The following DYNC1I1 variants were observed in gnomAD, a reference collection of about 807,000 sequenced individuals.
DYNC1I1 encodes the protein dynein cytoplasmic 1 intermediate chain 1.
A neutral mutation model predicts 86.6 loss-of-function variants in DYNC1I1; 43 were observed. The observed-to-expected ratio is 0.50, with a 90% CI of 0.39 to 0.64. The LOEUF (loss-of-function observed/expected upper bound fraction) is 0.64. DYNC1I1 is among the 30% of genes least tolerant of loss of function. The pLI, the probability that DYNC1I1 is intolerant of heterozygous loss-of-function variation, is 0.00. For synonymous variants in DYNC1I1, 262 were observed against 283.7 expected (o/e 0.92, Z 0.77); for missense variants, 604 against 788.8 (o/e 0.77, Z 2.81).
intron 7 of DYNC1I1, among the ~76,000 whole-genome samples, chr7:95,983,432 A>G (rs1034835400): frequency 1.3e-5 from 2 of 152,150 alleles, no homozygotes; most frequent in African/African-American, 4.8e-5. Flanking sequence ...GTGTGAACCA[A>G]CTACATCAGG....
At chr7:96,023,977 G>C (rs972626186) in intron 10 of DYNC1I1, among the ~76,000 whole-genome samples, 2 of 152,132 alleles carry the variant, frequency 1.3e-5, no homozygotes, top group African/African-American at 4.8e-5. Flanking sequence ...TGCCCTCTTA[G>C]AAATTGTGGT....
chr7:95,869,224 A>G (rs748458447), intron 5 of DYNC1I1, among the ~76,000 whole-genome samples: 1 of 152,322 alleles, frequency 6.6e-6, no homozygotes, highest in East Asian at 1.9e-4. Flanking sequence ...GAAGTGCTAC[A>G]TAAATATTCA....
At chr7:95,980,772 CTA>C (rs72162842) in intron 7 of DYNC1I1, among the ~76,000 whole-genome samples, 9,845 of 151,994 alleles carry the variant, frequency 0.065, 1,081 homozygotes, top group African/African-American at 0.22. Flanking sequence ...TAGAAAACTT[CTA>C]TATGTCAGTG....
intron 14 of DYNC1I1, among the ~76,000 whole-genome samples, chr7:96,066,904 A>G (rs921303883): frequency 9.9e-5 from 15 of 152,188 alleles, no homozygotes; most frequent in Admixed American, 9.8e-4. Context: ...TGATTACCCA[A>G]AGAAGAAAGC....
intron 5 of DYNC1I1, among the ~76,000 whole-genome samples, chr7:95,831,290 T>G (rs1788893747): frequency 6.6e-6 from 1 of 152,204 alleles, no homozygotes; most frequent in Non-Finnish European, 1.5e-5. Context: ...ATGTTGATTT[T>G]TAAGCAATTA....
chr7:95,889,731 CTT>C, intron 6 of DYNC1I1, among the ~76,000 whole-genome samples: 1 of 151,840 alleles, frequency 6.6e-6, no homozygotes, highest in East Asian at 1.9e-4. Context: ...TATAAAAAAA[CTT>C]TAACAAATTT....
At chr7:95,841,467 G>A (rs946466467) in intron 5 of DYNC1I1, among the ~76,000 whole-genome samples, 6 of 152,100 alleles carry the variant, frequency 3.9e-5, no homozygotes, top group Non-Finnish European at 8.8e-5. Context: ...GTCATGGGAC[G>A]AGCCTGCAAG....
intron 1 of DYNC1I1, among the ~76,000 whole-genome samples, chr7:95,785,660 G>T (rs558996083): frequency 3.8e-4 from 57 of 150,470 alleles, no homozygotes; most frequent in Non-Finnish European, 6.7e-4. Flanking sequence ...CATATATATT[G>T]TATATAATTA....
chr7:96,081,492 A>G (rs1015624435), intron 16 of DYNC1I1, among the ~76,000 whole-genome samples: 1 of 152,246 alleles, frequency 6.6e-6, no homozygotes, highest in Admixed American at 6.5e-5. Flanking sequence ...TGGTGAGGTA[A>G]GGAACTTTTT....
At chr7:95,825,151 C>T (rs1055514029) in intron 4 of DYNC1I1, among the ~76,000 whole-genome samples, 1 of 152,146 alleles carries the variant, frequency 6.6e-6, no homozygotes, top group Non-Finnish European at 1.5e-5. Context: ...TACATTCCTA[C>T]CTTGGTTTTT....
chr7:95,817,700 G>A (rs1468274751), intron 4 of DYNC1I1, among the ~76,000 whole-genome samples: 3 of 152,080 alleles, frequency 2.0e-5, no homozygotes, highest in African/African-American at 7.2e-5. Flanking sequence ...ACAAGGCAAA[G>A]GACAGATTGT....
chr7:96,101,739 T>TA (rs1171353583), downstream of DYNC1I1, among the ~76,000 whole-genome samples: 1 of 152,160 alleles, frequency 6.6e-6, no homozygotes, highest in Non-Finnish European at 1.5e-5. Flanking sequence ...TTGATATACT[T>TA]ACATCAGGTA....
intron 14 of DYNC1I1, among the ~76,000 whole-genome samples, chr7:96,052,062 T>C (rs1382485768): frequency 1.3e-5 from 2 of 152,160 alleles, no homozygotes; most frequent in Non-Finnish European, 2.9e-5. Flanking sequence ...CCTGTGTTTT[T>C]TGTCTGTATC....
chr7:95,978,328 C>T (rs1312161936), intron 7 of DYNC1I1, among the ~76,000 whole-genome samples: 1 of 152,014 alleles, frequency 6.6e-6, no homozygotes. Flanking sequence ...ACCCTGTTGC[C>T]CTCCTCATAA....
intron 6 of DYNC1I1, among the ~76,000 whole-genome samples, chr7:95,937,381 G>A (rs926236724): frequency 4.6e-5 from 7 of 151,950 alleles, no homozygotes; most frequent in Non-Finnish European, 5.9e-5. Context: ...TAGCTTGACT[G>A]TAGTAATCAT....
intron 14 of DYNC1I1, among the ~76,000 whole-genome samples, chr7:96,064,789 A>G (rs1789911354): frequency 6.6e-6 from 1 of 152,208 alleles, no homozygotes; most frequent in African/African-American, 2.4e-5. Flanking sequence ...GGCTGCGTTC[A>G]TCACCTAATT....
intron 6 of DYNC1I1, among the ~76,000 whole-genome samples, chr7:95,921,194 C>G (rs969002156): frequency 6.6e-6 from 1 of 152,074 alleles, no homozygotes; most frequent in African/African-American, 2.4e-5. Flanking sequence ...GGTGAAAAAA[C>G]GACTTTTCCA....
chr7:95,931,404 C>T (rs1791893488), intron 6 of DYNC1I1, among the ~76,000 whole-genome samples: 1 of 152,288 alleles, frequency 6.6e-6, no homozygotes, highest in Admixed American at 6.5e-5. Context: ...CCCACTCGGC[C>T]TCTCAAAGTG....
Position 95,984,956 on chromosome 7 carries a change from G to T in DYNC1I1, c.722G>T (p.Arg241Leu), listed in dbSNP as rs756345512. The T allele has an allele frequency of 8.7e-6, 14 of 1,613,222 alleles. No homozygotes were observed. The South Asian group carries it at 1.4e-4, about 16-fold the overall frequency. The change falls in exon 8 of 17, where the codon CGA becomes CTA. Residue 241 changes from arginine to leucine, a missense_variant. Arg to Leu is a moderately radical substitution (Grantham distance 102, BLOSUM62 -2). Transcript: ENST00000447467. ...GACATCTTTTTTGACTACAGCGGCC[G>T]AGAGTTAGAGGAAAAAGATGGGTTA... ...DSDIFFDYSGRELEEKDGDVQ... is the reference protein window; with the variant it reads ...DSDIFFDYSGLELEEKDGDVQ...
Sources: gnomAD v4.1 joint callset for allele counts (sites outside exome capture counted in the v4.1 genomes callset) on GRCh38, gnomAD v4.1.1 for gene constraint, MANE v1.5 for transcripts, NCBI Gene and HGNC (gene_info 2026-07-23, HGNC 2026-07-21) for gene names.